Variants in TMOD3 observed in about 807,000 individuals in gnomAD.
The protein encoded by TMOD3 is tropomodulin-3.
Under a neutral mutation model 39.2 loss-of-function variants are expected in TMOD3, and 20 were observed. The observed-to-expected ratio is 0.51, with a 90% CI of 0.36 to 0.74. TMOD3 has a LOEUF of 0.74. Among genes scored for constraint, TMOD3 ranks in the 30% least tolerant of loss-of-function variants. The probability of loss-of-function intolerance (pLI) is 0.00; values close to 1 mark genes in which losing one functional copy is unlikely to be tolerated. For synonymous variants in TMOD3, 143 were observed against 145.8 expected (o/e 0.98, Z 0.14); for missense variants, 381 against 412.8 (o/e 0.92, Z 0.67).
intron 3 of TMOD3, among the ~76,000 whole-genome samples, chr15:51,881,322 T>G (rs1480946440): frequency 6.6e-6 from 1 of 152,184 alleles, no homozygotes; most frequent in African/African-American, 2.4e-5. Flanking sequence ...CAAGCATTCC[T>G]TATATATTCT....
At chr15:51,861,656 A>C (rs904143047) in intron 1 of TMOD3, among the ~76,000 whole-genome samples, 1 of 146,280 alleles carries the variant, frequency 6.8e-6, no homozygotes. Flanking sequence ...GGTACTAGGT[A>C]CTTTTTTTTT....
At chr15:51,855,867 C>G (rs1407017702) in intron 1 of TMOD3, among the ~76,000 whole-genome samples, 1 of 152,194 alleles carries the variant, frequency 6.6e-6, no homozygotes, top group Non-Finnish European at 1.5e-5. Flanking sequence ...GCACTTGGAA[C>G]ATTGTCAGTA....
intron 3 of TMOD3, among the ~76,000 whole-genome samples, chr15:51,885,431 C>T: frequency 6.6e-6 from 1 of 152,036 alleles, no homozygotes; most frequent in East Asian, 1.9e-4. Context: ...GGCAGAGGAC[C>T]CTGCGGCCTT....
At chr15:51,863,038 A>T in intron 2 of TMOD3, 28 bp downstream of exon 2, 3 of 1,593,450 alleles carry the variant, frequency 1.9e-6, no homozygotes, top group Non-Finnish European at 2.6e-6. Context: ...AAGAGAAATG[A>T]AATAACTTTT....
chr15:51,833,034 T>G (rs2141663220), intron 1 of TMOD3: 1 of 152,362 alleles, frequency 6.6e-6, no homozygotes, highest in African/African-American at 2.4e-5. Context: ...TGCAGTTTTA[T>G]GTCAGATCCT....
At chr15:51,890,855 A>G (rs1452858566) in intron 5 of TMOD3, among the ~76,000 whole-genome samples, 2 of 152,194 alleles carry the variant, frequency 1.3e-5, no homozygotes, top group East Asian at 3.8e-4. Flanking sequence ...AGAGAATAAT[A>G]TATTCATTAC....
intron 8 of TMOD3, among the ~76,000 whole-genome samples, chr15:51,900,614 CAT>C (rs1173264953): frequency 6.6e-6 from 1 of 152,120 alleles, no homozygotes; most frequent in African/African-American, 2.4e-5. Flanking sequence ...GCAAGGTCCA[CAT>C]TGTAGGGTTT....
intron 1 of TMOD3, chr15:51,859,653 T>C: frequency 2.0e-6 from 1 of 503,230 alleles, no homozygotes; most frequent in South Asian, 1.7e-5. Flanking sequence ...TGCCAAGAAG[T>C]CCACAATGGT....
At chr15:51,851,161 A>T (rs1409455801) in intron 1 of TMOD3, among the ~76,000 whole-genome samples, 1 of 152,080 alleles carries the variant, frequency 6.6e-6, no homozygotes, top group East Asian at 1.9e-4. Context: ...AACCATGGGG[A>T]TGTGGAGCTG....
chr15:51,897,528 C>T (rs867903619), intron 7 of TMOD3, among the ~76,000 whole-genome samples: 9 of 148,300 alleles, frequency 6.1e-5, no homozygotes, highest in Non-Finnish European at 8.9e-5. Flanking sequence ...TCTGTTGCCC[C>T]GGCTAGAGTG....
chr15:51,851,591 C>CAG (rs1251562758), intron 1 of TMOD3, among the ~76,000 whole-genome samples: 2 of 152,044 alleles, frequency 1.3e-5, no homozygotes, highest in Non-Finnish European at 2.9e-5. Context: ...GATCTCAAAA[C>CAG]AGATTACGAT....
intron 1 of TMOD3, among the ~76,000 whole-genome samples, chr15:51,832,839 G>T (rs533449762): frequency 1.2e-4 from 18 of 152,292 alleles, no homozygotes; most frequent in Admixed American, 9.8e-4. Flanking sequence ...GTGTCAGTCT[G>T]ATGTATACTG....
chr15:51,879,886 A>ACACACACACACG (rs977815216), intron 3 of TMOD3, among the ~76,000 whole-genome samples: 9 of 151,710 alleles, frequency 5.9e-5, no homozygotes, highest in African/African-American at 1.9e-4. Flanking sequence ...ACACACACAC[A>ACACACACACACG]CACGAAGAAG....
chr15:51,906,952 A>G lies in TMOD3; in HGVS notation c.1025-1824A>G, dbSNP rs189790496. 2.5e-4 allele frequency among the ~76,000 whole-genome samples: 38 copies of G among 150,514 alleles called. No individual in the cohort carries two copies. In the South Asian group the frequency reaches 3.6e-3, roughly 14 times the overall value. On this transcript the variant is annotated intron_variant, in intron 9 of 9. Coordinates refer to ENST00000308580, the MANE Select transcript of TMOD3 (RefSeq NM_014547.5). ...GGAGAATTGCTTGAACCTGGGTGGT[A>G]GAGGTTGCGGTGAGCCGAGATCGCG...
chr15:51,886,525 G>A (rs2056564543), intron 3 of TMOD3, among the ~76,000 whole-genome samples: 2 of 152,236 alleles, frequency 1.3e-5, no homozygotes, highest in African/African-American at 4.8e-5. Flanking sequence ...AACCAGTCAG[G>A]CGTGGCGGTG....
intron 1 of TMOD3, chr15:51,861,197 A>G: frequency 6.3e-6 from 3 of 474,544 alleles, no homozygotes; most frequent in Non-Finnish European, 1.2e-5. Context: ...TCTTAATGAT[A>G]GCGTTAATCT....
At chr15:51,889,248 G>A (rs2056580602) in intron 5 of TMOD3, 103 bp downstream of exon 5, 4 of 704,674 alleles carry the variant, frequency 5.7e-6, no homozygotes, top group South Asian at 3.5e-5. Flanking sequence ...TTATATATAT[G>A]TACTTGAAAC....
chr15:51,832,502 T>G (rs1020666395), intron 1 of TMOD3, among the ~76,000 whole-genome samples: 2 of 151,886 alleles, frequency 1.3e-5, no homozygotes, highest in African/African-American at 4.8e-5. Context: ...TTCTGTAAAT[T>G]TATTTTATTT....
At chr15:51,881,154 C>T (rs1463333669) in intron 3 of TMOD3, among the ~76,000 whole-genome samples, 4 of 152,138 alleles carry the variant, frequency 2.6e-5, no homozygotes, top group South Asian at 2.1e-4. Context: ...AGGCTGGACT[C>T]GAACTTCTGG....
Sources: allele counts gnomAD v4.1 joint callset (sites outside exome capture counted in the v4.1 genomes callset), GRCh38; gene constraint gnomAD v4.1.1; transcripts MANE v1.5; gene names NCBI Gene and HGNC (gene_info 2026-07-23, HGNC 2026-07-21).